PARD3: variants seen among roughly 807,000 people sequenced by gnomAD.
The protein encoded by PARD3 is partitioning defective 3 homolog.
In PARD3, 75 loss-of-function variants were observed where a neutral mutation model predicts 155.4. The ratio of observed to expected loss-of-function variants is 0.48; its 90% CI spans 0.40 to 0.58. The LOEUF (loss-of-function observed/expected upper bound fraction) is 0.58. PARD3 is among the 20% of genes least tolerant of loss of function. The pLI is 0.00. For synonymous variants in PARD3, 576 were observed against 610.5 expected (o/e 0.94, Z 0.83); for missense variants, 1,642 against 1,721.7 (o/e 0.95, Z 0.82).
chr10:34,710,002 C>CG, intron 1 of PARD3, among the ~76,000 whole-genome samples: 1 of 152,032 alleles, frequency 6.6e-6, no homozygotes. Flanking sequence ...TTTGGAGAGG[C>CG]GGGGGGACAG....
chr10:34,611,938 T>TC (rs2090934875), intron 2 of PARD3, among the ~76,000 whole-genome samples: 4 of 4,136 alleles, frequency 9.7e-4, no homozygotes, highest in South Asian at 0.012. Context: ...GCGCCCCCCC[T>TC]ACCCCCCCGC....
intron 1 of PARD3, among the ~76,000 whole-genome samples, chr10:34,809,260 A>G (rs1417386298): frequency 2.6e-5 from 4 of 152,122 alleles, no homozygotes; most frequent in African/African-American, 7.2e-5. Context: ...TCAGCTTTCT[A>G]TTTACTCAAC....
At chr10:34,245,394 T>A (rs1343245825) in intron 22 of PARD3, among the ~76,000 whole-genome samples, 1 of 152,104 alleles carries the variant, frequency 6.6e-6, no homozygotes, top group Non-Finnish European at 1.5e-5. Context: ...AGAATGAGAA[T>A]GCCACGCCAA....
intron 1 of PARD3, among the ~76,000 whole-genome samples, chr10:34,744,839 G>A (rs1371680238): frequency 6.6e-6 from 1 of 152,200 alleles, no homozygotes; most frequent in Non-Finnish European, 1.5e-5. Flanking sequence ...TGTCTGATAA[G>A]AGGGGAGATT....
chr10:34,196,914 G>T (rs1047583970), intron 22 of PARD3, among the ~76,000 whole-genome samples: 2 of 152,062 alleles, frequency 1.3e-5, no homozygotes, highest in South Asian at 2.1e-4. Context: ...GACAGCCCAC[G>T]AGGTGCCTCC....
chr10:34,524,865 G>A lies in PARD3; in HGVS notation c.223-7706C>T, dbSNP rs922922896. On this transcript the variant is annotated intron_variant, in intron 2 of 24. Transcript: ENST00000374788. ...AACACATGCAGTGTTCCCTCAAAGA[G>A]AACATGGTAAGACTGGCAAATGGGC... Among the ~76,000 whole-genome samples the A allele has an allele frequency of 5.3e-5, 8 of 152,186 alleles. No individual in the cohort carries two copies. The East Asian group carries it at 1.5e-3, about 29-fold the overall frequency.
At chr10:34,330,378 A>G (rs1302784711) in intron 19 of PARD3, among the ~76,000 whole-genome samples, 3 of 152,170 alleles carry the variant, frequency 2.0e-5, no homozygotes, top group Non-Finnish European at 1.5e-5. Flanking sequence ...GAAAACATTC[A>G]TATTAACCTT....
At chr10:34,345,226 G>A in intron 15 of PARD3, 1 of 984,324 alleles carries the variant, frequency 1.0e-6, no homozygotes. Context: ...TGTGACTGAT[G>A]ACATCTGACA....
chr10:34,115,934 G>A (rs1946649190), intron 24 of PARD3, among the ~76,000 whole-genome samples: 3 of 152,158 alleles, frequency 2.0e-5, no homozygotes, highest in African/African-American at 2.4e-5. Flanking sequence ...GGATGGTCTC[G>A]ATCTCCTGAC....
intron 1 of PARD3, 50 bp downstream of exon 1, chr10:34,814,826 G>T: frequency 7.7e-7 from 1 of 1,299,748 alleles, no homozygotes; most frequent in Non-Finnish European, 1.1e-6. Flanking sequence ...ATTGATCCCG[G>T]CGCCGTCCCC....
intron 16 of PARD3, among the ~76,000 whole-genome samples, chr10:34,339,860 G>A (rs10508804): frequency 0.074 from 11,244 of 152,122 alleles, 568 homozygotes; most frequent in Non-Finnish European, 0.1. Flanking sequence ...CGGTACACTG[G>A]AATATTTAAC....
At chr10:34,449,672 T>C (rs1459023152) in intron 5 of PARD3, among the ~76,000 whole-genome samples, 1 of 151,944 alleles carries the variant, frequency 6.6e-6, no homozygotes, top group Admixed American at 6.6e-5. Context: ...AGGACTTTGC[T>C]AAGTGATGCA....
intron 2 of PARD3, among the ~76,000 whole-genome samples, chr10:34,583,998 T>C (rs1055742626): frequency 1.3e-5 from 2 of 152,220 alleles, no homozygotes; most frequent in South Asian, 2.1e-4. Flanking sequence ...ACATAAATCA[T>C]CATTTATTAG....
intron 3 of PARD3, among the ~76,000 whole-genome samples, chr10:34,482,777 A>T (rs2079167750): frequency 6.6e-6 from 1 of 152,116 alleles, no homozygotes; most frequent in Non-Finnish European, 1.5e-5. Context: ...AGAAACTGAG[A>T]GAAGAAAAAA....
Position 34,480,934 on chromosome 10 carries a change from T to C in PARD3, c.404-10671A>G, listed in dbSNP as rs551224935. Among the ~76,000 whole-genome samples the C allele has an allele frequency of 6.8e-4, 104 of 151,836 alleles. 1 individual carries two copies. The South Asian group carries it at 7.9e-3, about 12-fold the overall frequency. On this transcript the variant is annotated intron_variant, in intron 3 of 24. Transcript: ENST00000374788. ...CTCCTGCCTCATCCTCCCAAGTAGC[T>C]GGGATTACAGGTGCCTGCCACCACA...
intron 2 of PARD3, among the ~76,000 whole-genome samples, chr10:34,519,346 G>A (rs2081984145): frequency 6.6e-6 from 1 of 152,142 alleles, no homozygotes; most frequent in South Asian, 2.1e-4. Flanking sequence ...GATAGATGAA[G>A]TGTATATGGA....
intron 20 of PARD3, among the ~76,000 whole-genome samples, chr10:34,298,527 G>C (rs1190176328): frequency 1.3e-5 from 2 of 152,132 alleles, no homozygotes; most frequent in Non-Finnish European, 2.9e-5. Context: ...GCTTATATGA[G>C]GTAGCTCAAG....
In PARD3 at chr10:34,703,067, A is replaced by T. The variant is rs1005881908; in HGVS notation, c.121-6648T>A. ...AAACGTGGTGAGAGAGAATTTTTTT[A>T]AAAAAAGTATTTTGGAATTAAAATA... On this transcript the variant is annotated intron_variant, in intron 1 of 24. Coordinates refer to ENST00000374788, the MANE Select transcript of PARD3 (RefSeq NM_001184785.2). 2.3e-4 allele frequency among the ~76,000 whole-genome samples: 35 copies of T among 152,154 alleles called. No individual in the cohort carries two copies. In the South Asian group the frequency reaches 2.5e-3, roughly 11 times the overall value.
chr10:34,745,768 A>G (rs1489016692), intron 1 of PARD3, among the ~76,000 whole-genome samples: 2 of 152,112 alleles, frequency 1.3e-5, no homozygotes, highest in Non-Finnish European at 2.9e-5. Context: ...ACTATAGTCC[A>G]TACTATGTAA....
Sources: gnomAD v4.1 joint callset for allele counts (sites outside exome capture counted in the v4.1 genomes callset) on GRCh38, gnomAD v4.1.1 for gene constraint, MANE v1.5 for transcripts, NCBI Gene and HGNC (gene_info 2026-07-23, HGNC 2026-07-21) for gene names.